Variants in TRPC1 observed in about 807,000 individuals in gnomAD.
TRPC1 encodes the protein short transient receptor potential channel 1.
TRPC1 carries 42 observed loss-of-function variants against 88.2 expected under a neutral mutation model. The observed-to-expected ratio is 0.48, with a 90% CI of 0.37 to 0.62. The LOEUF (loss-of-function observed/expected upper bound fraction) is 0.62, where lower values mean the gene tolerates loss of function less well. Among genes scored for constraint, TRPC1 ranks in the 20% least tolerant of loss-of-function variants. The probability of loss-of-function intolerance (pLI) is 0.00; values close to 1 mark genes in which losing one functional copy is unlikely to be tolerated. For synonymous variants in TRPC1, 288 were observed against 331.8 expected, an observed-to-expected ratio of 0.87 and a Z score of 1.43; for missense variants, 699 against 957.3, an observed-to-expected ratio of 0.73 and a Z score of 3.56.
chr3:142,801,024 G>GTAA, intron 9 of TRPC1, among the ~76,000 whole-genome samples: 1 of 151,548 alleles, frequency 6.6e-6, no homozygotes, highest in Non-Finnish European at 1.5e-5. Flanking sequence ...AACTTCCTAT[G>GTAA]CATATTAAAG....
At chr3:142,797,175 G>GTTTT (rs200039380) in intron 9 of TRPC1, among the ~76,000 whole-genome samples, 1 of 136,376 alleles carries the variant, frequency 7.3e-6, no homozygotes, top group Non-Finnish European at 1.6e-5. Flanking sequence ...AAAAAAGGTT[G>GTTTT]TTTTTTTTTT....
At chr3:142,743,427 A>T (rs369370846) in intron 2 of TRPC1, 58 bp from the exon 3 acceptor site, 2 of 1,243,852 alleles carry the variant, frequency 1.6e-6, no homozygotes, top group South Asian at 1.5e-5. Context: ...ATTAGTAAAA[A>T]GAAGTAGTTT....
rs1295470642 is a variant in TRPC1 at position 142,724,492 on chromosome 3, C to T, written c.-68C>T. 8 of 1,345,544 alleles carry T rather than the reference C, an allele frequency of 5.9e-6. No homozygotes were observed. The East Asian group carries it at 1.2e-4, about 20-fold the overall frequency. The allele number at this position is 1,345,544 out of a possible 1,614,324, so 83.4% of individuals were successfully genotyped here. On this transcript the variant is annotated 5_prime_UTR_variant, in exon 1 of 13. Coordinates refer to ENST00000476941, the MANE Select transcript of TRPC1 (RefSeq NM_001251845.2). This position sits in a 1 kb window ranked among gnomAD's most constrained non-coding sequence, Gnocchi z 5.6. ...TCCAGCCCTGGGGCGTGGCTGGGGT[C>T]GGGGTCGGGGTCGGGGCCGGTGGGG...
chr3:142,772,685 G>C (rs1935619593), intron 4 of TRPC1, among the ~76,000 whole-genome samples: 1 of 152,124 alleles, frequency 6.6e-6, no homozygotes, highest in Admixed American at 6.5e-5. Context: ...TACTCAAGAG[G>C]CTGAGGCAGG....
rs1469655170 is a variant in TRPC1 at position 142,724,289 on chromosome 3, ACCGGCTCGGCCGGGGCG to A, written c.-265_-249del. On this transcript the variant is annotated 5_prime_UTR_variant, in exon 1 of 13. Transcript: ENST00000476941. This position sits in a 1 kb window ranked among gnomAD's most constrained non-coding sequence, Gnocchi z 5.6. ...CACTGTCGTCCCCGGACGGGCGCGG[ACCGGCTCGGCCGGGGCG>A]CCGGCGGCTGGGGAGGGGTCGCTGG... The A allele has an allele frequency of 4.8e-6, 1 of 208,690 alleles. No individual in the cohort carries two copies. Among genetic ancestry groups the A allele is most frequent in the Non-Finnish European group, 9.5e-6 (1 of 105,354 alleles). 12.9% of individuals were successfully genotyped at this position (208,690 alleles called of 1,614,324 possible).
At position 142,724,869 on chromosome 3, in the gene TRPC1, C is replaced by A. The variant is rs1933607123; in HGVS notation, c.172+138C>A. On this transcript the variant is annotated intron_variant, in intron 1 of 12. Coordinates refer to ENST00000476941, the MANE Select transcript of TRPC1 (RefSeq NM_001251845.2). The surrounding 1 kb of genome is among the most constrained non-coding windows in gnomAD (Gnocchi z 5.6). ...TTCCCGCCTCGCCTGCTGCCTCAGGCGGTCTTCTCCTCACCGCCTCTGCCC... is the reference window on the plus strand; with the variant it reads ...TTCCCGCCTCGCCTGCTGCCTCAGGAGGTCTTCTCCTCACCGCCTCTGCCC... The A allele has an allele frequency of 9.7e-7, 1 of 1,027,570 alleles. No homozygotes were observed. Among genetic ancestry groups the A allele is most frequent in the South Asian group, 2.0e-5 (1 of 49,370 alleles). 63.7% of individuals were successfully genotyped at this position (1,027,570 alleles called of 1,614,324 possible).
intron 4 of TRPC1, among the ~76,000 whole-genome samples, chr3:142,760,248 T>A (rs1013923245): frequency 2.0e-5 from 3 of 152,200 alleles, no homozygotes; most frequent in Admixed American, 2.0e-4. Flanking sequence ...TTGATTTAAT[T>A]TTTGTGTATT....
At chr3:142,751,708 A>G (rs1934771931) in intron 4 of TRPC1, among the ~76,000 whole-genome samples, 1 of 152,232 alleles carries the variant, frequency 6.6e-6, no homozygotes. Context: ...GTTAAACAGT[A>G]TATGAAATAG....
chr3:142,757,564 C>A (rs147135300), intron 4 of TRPC1, among the ~76,000 whole-genome samples: 1,705 of 151,658 alleles, frequency 0.011, 19 homozygotes, highest in Non-Finnish European at 0.017. Context: ...AACCAAACAC[C>A]ACATGTTCTC....
intron 2 of TRPC1, 61 bp from the exon 3 acceptor site, chr3:142,743,424 A>C: frequency 8.1e-7 from 1 of 1,241,992 alleles, no homozygotes. Context: ...TGAATTAGTA[A>C]AAAGAAGTAG....
chr3:142,729,654 G>T (rs923681127), intron 1 of TRPC1, among the ~76,000 whole-genome samples: 17 of 152,040 alleles, frequency 1.1e-4, no homozygotes, highest in Non-Finnish European at 7.4e-5. Flanking sequence ...TATTATATAG[G>T]TATTATCGTA....
chr3:142,728,935 TG>T (rs1200165937), intron 1 of TRPC1, among the ~76,000 whole-genome samples: 8 of 152,144 alleles, frequency 5.3e-5, no homozygotes, highest in Admixed American at 4.6e-4. Context: ...TAAGGAGGTA[TG>T]TGCTGTGAGG....
intron 6 of TRPC1, among the ~76,000 whole-genome samples, chr3:142,782,040 CCACAA>C (rs1455760904): frequency 6.6e-6 from 1 of 151,836 alleles, no homozygotes; most frequent in Admixed American, 6.6e-5. Context: ...CTTCTGTGTT[CCACAA>C]CCTAAAAGGG....
In TRPC1 at chr3:142,748,303, G is replaced by A. The variant is rs763225534; in HGVS notation, c.475G>A (p.Asp159Asn). 2.5e-6 allele frequency: 4 copies of A among 1,613,966 alleles called. No individual in the cohort carries two copies. Among genetic ancestry groups the A allele is most frequent in the South Asian group, 1.1e-5 (1 of 91,074 alleles). The change falls in exon 4 of 13, where the codon GAT (aspartate) becomes AAT (asparagine). Residue 159 changes from aspartate to asparagine, a missense_variant. Coordinates refer to ENST00000476941, the MANE Select transcript of TRPC1 (RefSeq NM_001251845.2). Reference sequence around the variant, plus strand: ...GAATCCTGAGTATTCAACAACTATGGATGTTGCACCTGTCATTTTAGCTGC... The same window carrying A: ...GAATCCTGAGTATTCAACAACTATGAATGTTGCACCTGTCATTTTAGCTGC... ...IQNPEYSTTM[D>N]VAPVILAAHR...
At chr3:142,736,683 T>C (rs1325579659) in intron 2 of TRPC1, 150 bp downstream of exon 2, 4 of 790,214 alleles carry the variant, frequency 5.1e-6, no homozygotes, top group Non-Finnish European at 7.2e-6. Flanking sequence ...CTGTCTTTCA[T>C]CTTTTATTTG....
intron 4 of TRPC1, among the ~76,000 whole-genome samples, chr3:142,757,712 G>A (rs1935027344): frequency 6.6e-6 from 1 of 152,070 alleles, no homozygotes; most frequent in Non-Finnish European, 1.5e-5. Flanking sequence ...TTAAAACCTA[G>A]ATGACAGGTT....
At chr3:142,805,924 TTGTGTC>T in intron 12 of TRPC1, 78 bp from the exon 13 acceptor site, 1 of 1,198,824 alleles carries the variant, frequency 8.3e-7, no homozygotes, top group Non-Finnish European at 1.2e-6. Flanking sequence ...AAAGATGTGT[TTGTGTC>T]TGTGAATATA....
chr3:142,731,065 C>G (rs1229135303), intron 1 of TRPC1, among the ~76,000 whole-genome samples: 4 of 152,046 alleles, frequency 2.6e-5, no homozygotes, highest in African/African-American at 4.8e-5. Context: ...TTACAGTTGG[C>G]CAGAGTAAAT....
At chr3:142,750,616 G>A (rs977654528) in intron 4 of TRPC1, among the ~76,000 whole-genome samples, 12 of 152,122 alleles carry the variant, frequency 7.9e-5, no homozygotes, top group Admixed American at 2.0e-4. Flanking sequence ...ACATGCACAC[G>A]TATGTTTATT....
Sources: gnomAD v4.1 joint callset for allele counts (sites outside exome capture counted in the v4.1 genomes callset) on GRCh38, gnomAD v4.1.1 for gene constraint, Gnocchi (gnomAD v3.1) non-coding constraint, MANE v1.5 for transcripts, NCBI Gene and HGNC (gene_info 2026-07-23, HGNC 2026-07-21) for gene names.